ROBO2: variants seen among roughly 807,000 people sequenced by gnomAD.
The protein encoded by ROBO2 is roundabout homolog 2.
In ROBO2, 53 loss-of-function variants were observed where a neutral mutation model predicts 160.8. That is an observed-to-expected ratio of 0.33 (90% CI 0.26 to 0.41). ROBO2 has a LOEUF of 0.41. ROBO2 is among the 10% of genes least tolerant of loss of function. The pLI, the probability that ROBO2 is intolerant of heterozygous loss-of-function variation, is 1.00. For missense variants in ROBO2, 1,577 were observed against 1,722.4 expected, an observed-to-expected ratio of 0.92 and a Z score of 1.49; for synonymous variants, 664 against 611.7, an observed-to-expected ratio of 1.09 and a Z score of -1.26.
chr3:76,239,839 T>C (rs1413277123), intron 2 of ROBO2, among the ~76,000 whole-genome samples: 1 of 152,118 alleles, frequency 6.6e-6, no homozygotes, highest in East Asian at 1.9e-4. Context: ...TGCCAGCTGA[T>C]TGGTCCAGAG....
At chr3:76,968,341 T>G (rs922794948) in intron 2 of ROBO2, among the ~76,000 whole-genome samples, 1 of 152,198 alleles carries the variant, frequency 6.6e-6, no homozygotes, top group African/African-American at 2.4e-5. Flanking sequence ...CTTTTTAATT[T>G]AATCTTAACA....
At chr3:76,891,323 T>A (rs898639430) in intron 2 of ROBO2, among the ~76,000 whole-genome samples, 8 of 152,204 alleles carry the variant, frequency 5.3e-5, no homozygotes, top group Admixed American at 4.6e-4. Context: ...TGGATTTCTG[T>A]ATTTTCCTAA....
chr3:77,406,192 C>A (rs2076238354), intron 2 of ROBO2, among the ~76,000 whole-genome samples: 4 of 152,178 alleles, frequency 2.6e-5, no homozygotes, highest in Admixed American at 2.6e-4. Flanking sequence ...ACTTTAAAAG[C>A]ATCAGCTCTC....
chr3:76,448,688 A>G (rs2077323164), intron 2 of ROBO2, among the ~76,000 whole-genome samples: 1 of 152,172 alleles, frequency 6.6e-6, no homozygotes, highest in South Asian at 2.1e-4. Context: ...CTTGGAACCA[A>G]CTAAAACTTC....
At chr3:76,706,907 G>C (rs1368548349) in intron 2 of ROBO2, among the ~76,000 whole-genome samples, 7 of 152,042 alleles carry the variant, frequency 4.6e-5, no homozygotes, top group Non-Finnish European at 7.4e-5. Flanking sequence ...AATGTGATAA[G>C]TTAATTATTA....
intron 2 of ROBO2, among the ~76,000 whole-genome samples, chr3:76,772,283 A>G (rs894148856): frequency 6.6e-6 from 1 of 151,136 alleles, no homozygotes; most frequent in African/African-American, 2.4e-5. Context: ...GGAACTTTGC[A>G]GAAAAACAGA....
At chr3:76,634,283 A>G (rs2090190808) in intron 2 of ROBO2, among the ~76,000 whole-genome samples, 1 of 152,172 alleles carries the variant, frequency 6.6e-6, no homozygotes, top group Non-Finnish European at 1.5e-5. Context: ...TTAAAAGGAC[A>G]TCAGGCTGGC....
In ROBO2 at chr3:77,436,917, G is replaced by C. The variant is rs185552475; in HGVS notation, c.389-40497G>C. Among the ~76,000 whole-genome samples the C allele has an allele frequency of 9.9e-5, 15 of 152,004 alleles. No individual in the cohort carries two copies. The East Asian group carries it at 2.9e-3, about 29-fold the overall frequency. On this transcript the variant is annotated intron_variant, in intron 2 of 25. Transcript: ENST00000461745. ...AAACCATAATGTGTATTCAGGCTTT[G>C]CTTATGCAACTTATTTTATTATTAA... is the stretch of plus-strand genomic sequence containing the variant.
At chr3:77,234,448 A>G (rs1441714601) in intron 2 of ROBO2, among the ~76,000 whole-genome samples, 3 of 152,184 alleles carry the variant, frequency 2.0e-5, no homozygotes, top group Non-Finnish European at 4.4e-5. Context: ...ATTACACCAC[A>G]GTCGTTTAAT....
intron 2 of ROBO2, among the ~76,000 whole-genome samples, chr3:77,409,092 CATATATATATGTAT>C (rs1222544606): frequency 1.6e-5 from 2 of 128,018 alleles, no homozygotes; most frequent in Admixed American, 7.6e-5. Context: ...GAAATACATA[CATATATATATGTAT>C]ATATATATAT....
At chr3:77,393,200 C>T (rs1354999433) in intron 2 of ROBO2, among the ~76,000 whole-genome samples, 1 of 151,834 alleles carries the variant, frequency 6.6e-6, no homozygotes, top group Non-Finnish European at 1.5e-5. Context: ...TTTATTCTGT[C>T]TGCCTATAGA....
chr3:76,941,859 C>G (rs1014469507), intron 2 of ROBO2, among the ~76,000 whole-genome samples: 1 of 151,964 alleles, frequency 6.6e-6, no homozygotes, highest in African/African-American at 2.4e-5. Flanking sequence ...CTTTGACTGA[C>G]CAGAGAAACT....
At chr3:76,224,233 C>T (rs752240840) in intron 2 of ROBO2, among the ~76,000 whole-genome samples, 1 of 152,190 alleles carries the variant, frequency 6.6e-6, no homozygotes, top group Non-Finnish European at 1.5e-5. Context: ...ATTGATATAA[C>T]ATCTGCAAGG....
intron 2 of ROBO2, among the ~76,000 whole-genome samples, chr3:76,063,438 G>A (rs2107903514): frequency 6.8e-6 from 1 of 147,822 alleles, no homozygotes; most frequent in Non-Finnish European, 1.5e-5. Flanking sequence ...GATTCCCTTT[G>A]GGCTCAAGCA....
chr3:76,923,926 T>C (rs1262352189), intron 2 of ROBO2, among the ~76,000 whole-genome samples: 1 of 152,232 alleles, frequency 6.6e-6, no homozygotes, highest in East Asian at 1.9e-4. Flanking sequence ...TCTTAACTCA[T>C]TGTTCGGAAA....
chr3:76,126,951 G>A (rs1241036599), intron 2 of ROBO2, among the ~76,000 whole-genome samples: 1 of 152,108 alleles, frequency 6.6e-6, no homozygotes, highest in Non-Finnish European at 1.5e-5. Context: ...CTTGTTGTGA[G>A]ATGGCCAAAC....
At chr3:76,000,574 C>T (rs1187627998) in intron 2 of ROBO2, among the ~76,000 whole-genome samples, 15 of 149,080 alleles carry the variant, frequency 1.0e-4, no homozygotes, top group African/African-American at 2.5e-4. Context: ...CTGCAAGCTC[C>T]GCCTCCCGGG....
chr3:77,344,612 AG>A, intron 2 of ROBO2, among the ~76,000 whole-genome samples: 1 of 152,270 alleles, frequency 6.6e-6, no homozygotes, highest in Non-Finnish European at 1.5e-5. Context: ...AGCCACCAGA[AG>A]GTATAAGAGA....
intron 2 of ROBO2, among the ~76,000 whole-genome samples, chr3:77,201,168 A>G (rs1267108140): frequency 1.3e-5 from 2 of 152,222 alleles, no homozygotes; most frequent in East Asian, 3.9e-4. Context: ...AAAGCTACAG[A>G]GATTTTATGT....
Sources: allele counts gnomAD v4.1 joint callset (sites outside exome capture counted in the v4.1 genomes callset), GRCh38; gene constraint gnomAD v4.1.1; transcripts MANE v1.5; gene names NCBI Gene and HGNC (gene_info 2026-07-23, HGNC 2026-07-21).